Variants in LNPEP observed in about 807,000 individuals in gnomAD.
The protein encoded by LNPEP is leucyl-cystinyl aminopeptidase.
A neutral mutation model predicts 120.6 loss-of-function variants in LNPEP; 64 were observed. That is an observed-to-expected ratio of 0.53 (90% CI 0.43 to 0.65). The LOEUF (loss-of-function observed/expected upper bound fraction) is 0.65. Among genes scored for constraint, LNPEP ranks in the 30% least tolerant of loss-of-function variants. The pLI, the probability that LNPEP is intolerant of heterozygous loss-of-function variation, is 0.00. For missense variants in LNPEP, 1,057 were observed against 1,200.0 expected (o/e 0.88, Z 1.76); for synonymous variants, 435 against 425.4 (o/e 1.02, Z -0.28).
At chr5:96,982,198 G>A (rs1480784250) in intron 2 of LNPEP, among the ~76,000 whole-genome samples, 88 of 152,086 alleles carry the variant, frequency 5.8e-4, no homozygotes, top group Admixed American at 5.8e-3. Flanking sequence ...CATTTTAACT[G>A]CAGAAGCCAC....
Position 96,989,013 on chromosome 5 carries a change from G to A in LNPEP, c.1131+2343G>A, listed in dbSNP as rs78884678. Among the ~76,000 whole-genome samples the A allele has an allele frequency of 8.3e-3, 1,268 of 152,062 alleles. 13 individuals are homozygous for A. The highest frequency in any genetic ancestry group is 0.029 in the African/African-American group (1,204 of 41,482). ...ACACTGCATTCTCATATATGTGTGT[G>A]CATGTGCATGCTTGTGTGTATGTGT... On this transcript the variant is annotated intron_variant, in intron 4 of 17. Transcript: ENST00000231368.
rs1369129952 is a variant in LNPEP at position 97,029,685 on chromosome 5, A to G, written c.*1152A>G. On this transcript the variant is annotated 3_prime_UTR_variant, in exon 18 of 18. Transcript: ENST00000231368. ...TTCGTGTTTAGTATGGTGGGCTTTGAATTTTTTTCACTATCAAAAATAGTG... is the reference window on the plus strand; with the variant it reads ...TTCGTGTTTAGTATGGTGGGCTTTGGATTTTTTTCACTATCAAAAATAGTG... The G allele has an allele frequency of 6.6e-6, 1 of 150,806 alleles. No homozygotes were observed. The highest frequency in any genetic ancestry group is 1.5e-5 in the Non-Finnish European group (1 of 68,022). 9.3% of individuals were successfully genotyped at this position (150,806 alleles called of 1,614,324 possible).
Position 97,030,409 on chromosome 5 carries a change from G to GCA in LNPEP, c.*1876_*1877insCA, listed in dbSNP as rs1471987956. The GCA allele has an allele frequency of 6.6e-6, 1 of 152,066 alleles. No individual in the cohort carries two copies. The highest frequency in any genetic ancestry group is 2.4e-5 in the African/African-American group (1 of 41,412). The allele number at this position is 152,066 out of a possible 1,614,324, so 9.4% of individuals were successfully genotyped here. A position where few individuals can be genotyped will look rare whatever the true frequency, so the allele number is the denominator to read the frequency against. On this transcript the variant is annotated 3_prime_UTR_variant, in exon 18 of 18. Transcript: ENST00000231368. Reference sequence around the variant, plus strand: ...AGTGAGGGAAAAATACTAAACTTTTGAGAGTTTTGTTGTCGTTGCTGGTTT... The same window carrying GCA: ...AGTGAGGGAAAAATACTAAACTTTTGCAAGAGTTTTGTTGTCGTTGCTGGTTT...
At chr5:97,004,431 G>A (rs1242154751) in intron 9 of LNPEP, among the ~76,000 whole-genome samples, 1 of 151,468 alleles carries the variant, frequency 6.6e-6, no homozygotes, top group African/African-American at 2.4e-5. Flanking sequence ...AGAATCATTT[G>A]AATCTGGTAA....
chr5:97,028,359 C>T (rs27712), intron 17 of LNPEP, 43 bp from the exon 18 acceptor site: 971,236 of 1,595,940 alleles, frequency 0.61, 300,372 homozygotes, highest in African/African-American at 0.8. Flanking sequence ...TGAGGTTTAT[C>T]GTCCTTTTCT....
chr5:96,986,738 G>A lies in LNPEP; in HGVS notation c.1131+68G>A, dbSNP rs1582005892. On this transcript the variant is annotated intron_variant, in intron 4 of 17. Transcript: ENST00000231368. ...GGCTCAGAGGACCTCTTGCTTTAAC[G>A]ATTCCTGGTATTTGCTGTGTGAAAT... The A allele has an allele frequency of 7.8e-6, 11 of 1,401,486 alleles. No individual in the cohort carries two copies. The East Asian group carries it at 1.4e-4, about 18-fold the overall frequency. 86.8% of individuals were successfully genotyped at this position (1,401,486 alleles called of 1,614,324 possible).
chr5:96,976,501 G>A (rs1349198367), intron 1 of LNPEP, among the ~76,000 whole-genome samples: 2 of 151,962 alleles, frequency 1.3e-5, no homozygotes, highest in African/African-American at 4.8e-5. Context: ...CATGGCAGAA[G>A]AATAAAAAAA....
chr5:96,954,766 A>ATTTTTTTTTTTT (rs1561430227), intron 1 of LNPEP, among the ~76,000 whole-genome samples: 1 of 40,956 alleles, frequency 2.4e-5, no homozygotes, highest in Non-Finnish European at 5.2e-5. Context: ...ATATATATAT[A>ATTTTTTTTTTTT]TATATATTTT....
chr5:96,952,960 T>A (rs958753930), intron 1 of LNPEP, among the ~76,000 whole-genome samples: 1 of 152,180 alleles, frequency 6.6e-6, no homozygotes, highest in African/African-American at 2.4e-5. Flanking sequence ...ACAAAACCCT[T>A]TGTTTCATAC....
rs1011145762 is a variant in LNPEP at position 97,033,149 on chromosome 5, C to A, written c.*4616C>A. 1.3e-4 allele frequency: 19 copies of A among 151,982 alleles called. No homozygotes were observed. The highest frequency in any genetic ancestry group is 4.6e-4 in the African/African-American group (19 of 41,348). 9.4% of individuals were successfully genotyped at this position (151,982 alleles called of 1,614,324 possible). ...ACTACATTGTATTACTAATTTGGTT[C>A]ACACTGTGTCCTTCTCATGGATGTG... On this transcript the variant is annotated 3_prime_UTR_variant, in exon 18 of 18. Coordinates refer to ENST00000231368, the MANE Select transcript of LNPEP (RefSeq NM_005575.3).
At chr5:96,964,417 A>C (rs1011829669) in intron 1 of LNPEP, among the ~76,000 whole-genome samples, 8 of 151,912 alleles carry the variant, frequency 5.3e-5, no homozygotes, top group Non-Finnish European at 8.8e-5. Flanking sequence ...TGACCAGTTA[A>C]CCTTCTTATT....
rs1334875182 is a variant in LNPEP at position 97,031,580 on chromosome 5, A to T, written c.*3047A>T. 1 of 152,186 alleles carries T rather than the reference A, an allele frequency of 6.6e-6. No homozygotes were observed. Among genetic ancestry groups the T allele is most frequent in the Non-Finnish European group, 1.5e-5 (1 of 68,034 alleles). The allele number at this position is 152,186 out of a possible 1,614,324, so 9.4% of individuals were successfully genotyped here. A position where few individuals can be genotyped will look rare whatever the true frequency, so the allele number is the denominator to read the frequency against. On this transcript the variant is annotated 3_prime_UTR_variant, in exon 18 of 18. Coordinates refer to ENST00000231368, the MANE Select transcript of LNPEP (RefSeq NM_005575.3). ...TAGGATACCAAACAGAATCCTTTCT[A>T]TTAGGAAATAAGAAATCAGTTAAGT...
At chr5:96,965,917 T>C (rs992692489) in intron 1 of LNPEP, among the ~76,000 whole-genome samples, 5 of 152,168 alleles carry the variant, frequency 3.3e-5, no homozygotes, top group Non-Finnish European at 7.3e-5. Flanking sequence ...AGTTATTTAT[T>C]TGGTCCTGTC....
At chr5:97,020,694 C>T (rs934843382) in intron 13 of LNPEP, among the ~76,000 whole-genome samples, 26 of 151,944 alleles carry the variant, frequency 1.7e-4, no homozygotes, top group African/African-American at 5.6e-4. Flanking sequence ...CCCAGCTACT[C>T]GGGAGGCTGA....
At chr5:96,970,400 CTTT>C (rs1234435825) in intron 1 of LNPEP, among the ~76,000 whole-genome samples, 1 of 151,938 alleles carries the variant, frequency 6.6e-6, no homozygotes, top group African/African-American at 2.4e-5. Flanking sequence ...AAATATTCTT[CTTT>C]GTTAATCTAT....
At chr5:97,007,350 T>C (rs948895874) in intron 11 of LNPEP, among the ~76,000 whole-genome samples, 1 of 152,172 alleles carries the variant, frequency 6.6e-6, no homozygotes, top group African/African-American at 2.4e-5. Context: ...TGATCACTTA[T>C]ATGATTTTAG....
chr5:97,012,028 C>A (rs541738301), intron 11 of LNPEP, among the ~76,000 whole-genome samples: 2 of 152,154 alleles, frequency 1.3e-5, no homozygotes, highest in South Asian at 4.1e-4. Context: ...AATATATAAT[C>A]TTTAGGTTGA....
chr5:96,946,959 T>G (rs1789198874), intron 1 of LNPEP, among the ~76,000 whole-genome samples: 2 of 152,252 alleles, frequency 1.3e-5, no homozygotes, highest in Admixed American at 6.5e-5. Flanking sequence ...CATTCTTTGT[T>G]AAATAACTCA....
intron 9 of LNPEP, among the ~76,000 whole-genome samples, chr5:97,005,415 T>A (rs1191075272): frequency 6.6e-6 from 1 of 152,034 alleles, no homozygotes; most frequent in Non-Finnish European, 1.5e-5. Flanking sequence ...GCTCTGACAC[T>A]AGGTTCTAGA....
Sources: allele counts gnomAD v4.1 joint callset (sites outside exome capture counted in the v4.1 genomes callset), GRCh38; gene constraint gnomAD v4.1.1; transcripts MANE v1.5; gene names NCBI Gene and HGNC (gene_info 2026-07-23, HGNC 2026-07-21).